The following NCAM1 variants were observed in gnomAD, a reference collection of about 807,000 sequenced individuals.
NCAM1 encodes antigen recognized by monoclonal antibody 5.1H11.
A neutral mutation model predicts 109.8 loss-of-function variants in NCAM1; 14 were observed. That is an observed-to-expected ratio of 0.13 (90% CI 0.08 to 0.20). The LOEUF (loss-of-function observed/expected upper bound fraction) is 0.20. Ranked by LOEUF, NCAM1 falls within the 10% of genes least tolerant of loss-of-function variation. The pLI is 1.00. For synonymous variants in NCAM1, 418 were observed against 442.9 expected (o/e 0.94, Z 0.70); for missense variants, 774 against 1,109.9 (o/e 0.70, Z 4.30).
Position 113,274,860 on chromosome 11 carries a change from C to T in NCAM1, c.2457-407C>T, listed in dbSNP as rs1555126238. Among the ~76,000 whole-genome samples, 1 of 152,232 alleles carries T rather than the reference C, an allele frequency of 6.6e-6. No individual in the cohort carries two copies. The highest frequency in any genetic ancestry group is 2.4e-5 in the African/African-American group (1 of 41,468). On this transcript the variant is annotated intron_variant, in intron 19 of 19. Coordinates refer to ENST00000316851, the MANE Select transcript of NCAM1 (RefSeq NM_181351.5). This position sits in a 1 kb window ranked among gnomAD's most constrained non-coding sequence, Gnocchi z 4.1. Reference sequence around the variant, plus strand: ...CAGCCCAGCAGGCTGCATTTACATCCAGCTGAGCTGTTGCCACTGCAGCTG... The same window carrying T: ...CAGCCCAGCAGGCTGCATTTACATCTAGCTGAGCTGTTGCCACTGCAGCTG...
At chr11:113,258,004 G>A (rs1205006421) in intron 16 of NCAM1, among the ~76,000 whole-genome samples, 7 of 152,244 alleles carry the variant, frequency 4.6e-5, no homozygotes, top group African/African-American at 1.4e-4. Context: ...TCTTTGGCTA[G>A]TGCAAACCCT....
At chr11:113,205,705 G>C (rs1555112740) in intron 4 of NCAM1, 39 bp downstream of exon 4, 1 of 1,598,570 alleles carries the variant, frequency 6.3e-7, no homozygotes, top group East Asian at 2.2e-5. Context: ...TTTTCCCCAG[G>C]CCACCAAGTT....
intron 1 of NCAM1, among the ~76,000 whole-genome samples, chr11:113,049,340 G>A (rs1555081418): frequency 6.6e-6 from 1 of 152,120 alleles, no homozygotes. Context: ...CTGATCTTAG[G>A]TAATTTCTTC....
chr11:113,237,757 CTG>C (rs1945205704), intron 14 of NCAM1, among the ~76,000 whole-genome samples: 1 of 152,070 alleles, frequency 6.6e-6, no homozygotes, highest in Non-Finnish European at 1.5e-5. Context: ...TAACCAGTAA[CTG>C]GAGTTTGAGT....
chr11:113,049,256 GA>G (rs376950661), intron 1 of NCAM1, among the ~76,000 whole-genome samples: 3 of 150,212 alleles, frequency 2.0e-5, no homozygotes, highest in South Asian at 2.1e-4. Context: ...TCACTTCAAT[GA>G]AAAAAAAATG....
At chr11:113,081,128 T>A (rs1938791326) in intron 1 of NCAM1, among the ~76,000 whole-genome samples, 1 of 152,198 alleles carries the variant, frequency 6.6e-6, no homozygotes, top group African/African-American at 2.4e-5. Context: ...GAGAGATGAT[T>A]CCTGATAAAC....
At chr11:113,017,365 T>A (rs1466328261) in intron 1 of NCAM1, among the ~76,000 whole-genome samples, 1 of 152,228 alleles carries the variant, frequency 6.6e-6, no homozygotes, top group African/African-American at 2.4e-5. Flanking sequence ...ATTATGCTTT[T>A]CAAATCTTTA....
chr11:112,985,102 G>T (rs1225629340), intron 1 of NCAM1, among the ~76,000 whole-genome samples: 2 of 151,598 alleles, frequency 1.3e-5, no homozygotes, highest in Non-Finnish European at 2.9e-5. Context: ...TTTGCCTGTG[G>T]ATATTTATTG....
chr11:113,106,855 A>G lies in NCAM1; in HGVS notation c.53-95524A>G, dbSNP rs1439301201. Among the ~76,000 whole-genome samples the G allele has an allele frequency of 2.6e-5, 4 of 152,240 alleles. No individual in the cohort carries two copies. In the East Asian group the frequency reaches 5.8e-4, roughly 22 times the overall value. On this transcript the variant is annotated intron_variant, in intron 1 of 19. Coordinates refer to ENST00000316851, the MANE Select transcript of NCAM1 (RefSeq NM_181351.5). ...CATCTGTTTCTAAAAAAGCCCAGAG[A>G]GAAATGTAAAAATGGCAGTCAGAAC...
intron 1 of NCAM1, among the ~76,000 whole-genome samples, chr11:113,108,177 C>T (rs1555092923): frequency 6.6e-6 from 1 of 152,032 alleles, no homozygotes. Context: ...CTAGTGTATG[C>T]ATAACTTTTA....
intron 1 of NCAM1, among the ~76,000 whole-genome samples, chr11:113,078,210 TC>T (rs1175334555): frequency 6.6e-6 from 1 of 152,116 alleles, no homozygotes; most frequent in Non-Finnish European, 1.5e-5. Context: ...CTCCGAGAGT[TC>T]CTTGGTTTAG....
chr11:112,993,822 T>C (rs1435730176), intron 1 of NCAM1, among the ~76,000 whole-genome samples: 2 of 152,256 alleles, frequency 1.3e-5, no homozygotes, highest in African/African-American at 2.4e-5. Flanking sequence ...TTACAGTTTC[T>C]ACTAGTCTTT....
chr11:113,134,760 G>A (rs1241817075), intron 1 of NCAM1, among the ~76,000 whole-genome samples: 15 of 152,152 alleles, frequency 9.9e-5, no homozygotes, highest in African/African-American at 3.6e-4. Context: ...TGTGGCACAC[G>A]TTGTTGCAAG....
chr11:113,160,060 T>C (rs1942549218), intron 1 of NCAM1, among the ~76,000 whole-genome samples: 1 of 152,128 alleles, frequency 6.6e-6, no homozygotes, highest in Non-Finnish European at 1.5e-5. Context: ...CACGTGTACC[T>C]GCTAATACCA....
chr11:113,202,207 C>T (rs1197953663), intron 1 of NCAM1, 172 bp from the exon 2 acceptor site: 2 of 687,722 alleles, frequency 2.9e-6, no homozygotes, highest in East Asian at 2.7e-5. Flanking sequence ...GGCACAAGTT[C>T]TCAAACTCCA....
intron 1 of NCAM1, among the ~76,000 whole-genome samples, chr11:113,006,367 C>T (rs1555073329): frequency 6.6e-6 from 1 of 152,134 alleles, no homozygotes; most frequent in Non-Finnish European, 1.5e-5. Context: ...CAATGAATTC[C>T]ATGTCTCAGT....
At chr11:113,204,560 G>A (rs1565497725) in intron 3 of NCAM1, 56 bp downstream of exon 3, 14 of 1,530,712 alleles carry the variant, frequency 9.1e-6, no homozygotes, top group Non-Finnish European at 1.2e-5. Context: ...AAGGAGACAT[G>A]TGGGTAGTGG....
intron 9 of NCAM1, among the ~76,000 whole-genome samples, chr11:113,224,628 C>A (rs1239956947): frequency 6.6e-6 from 1 of 152,216 alleles, no homozygotes; most frequent in Non-Finnish European, 1.5e-5. Context: ...AACGGACAGA[C>A]TGCCTCCTCA....
intron 1 of NCAM1, among the ~76,000 whole-genome samples, chr11:113,099,098 C>G (rs1420862635): frequency 2.6e-5 from 4 of 152,098 alleles, no homozygotes; most frequent in African/African-American, 9.7e-5. Context: ...TATTACTTTC[C>G]TTCCATTTTT....
Sources: gnomAD v4.1 joint callset for allele counts (sites outside exome capture counted in the v4.1 genomes callset) on GRCh38, gnomAD v4.1.1 for gene constraint, Gnocchi (gnomAD v3.1) non-coding constraint, MANE v1.5 for transcripts, NCBI Gene and HGNC (gene_info 2026-07-23, HGNC 2026-07-21) for gene names.